AGPAT5: variants seen among roughly 807,000 people sequenced by gnomAD.
AGPAT5 encodes 1-acylglycerol-3-phosphate O-acyltransferase 5.
In AGPAT5, 46 loss-of-function variants were observed where a neutral mutation model predicts 45.6. That is an observed-to-expected ratio of 1.01 (90% CI 0.80 to 1.29). The LOEUF (loss-of-function observed/expected upper bound fraction) is 1.29, where lower values mean the gene tolerates loss of function less well. AGPAT5 is among the 50% of genes most tolerant of loss of function. The probability of loss-of-function intolerance (pLI) is 0.00; values close to 1 mark genes in which losing one functional copy is unlikely to be tolerated. For missense variants in AGPAT5, 673 were observed against 450.7 expected, an observed-to-expected ratio of 1.49 and a Z score of -4.47; for synonymous variants, 272 against 167.0, an observed-to-expected ratio of 1.63 and a Z score of -4.85.
At chr8:6,719,703 A>C (rs2116866788) in intron 1 of AGPAT5, among the ~76,000 whole-genome samples, 1 of 152,328 alleles carries the variant, frequency 6.6e-6, no homozygotes, top group Non-Finnish European at 1.5e-5. Flanking sequence ...AACTGTTGGA[A>C]CCAAATTCAT....
chr8:6,735,948 G>A (rs557209198), intron 4 of AGPAT5, among the ~76,000 whole-genome samples: 3 of 145,868 alleles, frequency 2.1e-5, no homozygotes, highest in Non-Finnish European at 3.0e-5. Context: ...TCTGCCTCAC[G>A]GGTTCAAGCA....
intron 2 of AGPAT5, among the ~76,000 whole-genome samples, chr8:6,725,479 G>C (rs1345782961): frequency 6.6e-6 from 1 of 152,180 alleles, no homozygotes; most frequent in African/African-American, 2.4e-5. Context: ...ATATACTTTA[G>C]GTGAAGATAC....
rs150588021 is a variant in AGPAT5, at chr8:6,751,051, T to A, written c.745+3223T>A. ...CTGCTTTCATTGTTTTTTTTTGTTT[T>A]CTGTCACTGGCTCAGCCCTGCTTTC... On this transcript the variant is annotated intron_variant, in intron 6 of 7. Transcript: ENST00000285518. Among the ~76,000 whole-genome samples the A allele has an allele frequency of 6.9e-3, 1,045 of 152,346 alleles. 11 individuals are homozygous for A. Among genetic ancestry groups the A allele is most frequent in the African/African-American group, 0.023 (973 of 41,582 alleles).
intron 1 of AGPAT5, among the ~76,000 whole-genome samples, chr8:6,709,863 C>T (rs748925543): frequency 4.6e-5 from 7 of 152,134 alleles, no homozygotes; most frequent in Non-Finnish European, 1.0e-4. Flanking sequence ...AGGCCAGGGC[C>T]TCCATTTAAA....
chr8:6,729,829 A>G (rs1219360572), intron 2 of AGPAT5, among the ~76,000 whole-genome samples: 1 of 152,204 alleles, frequency 6.6e-6, no homozygotes, highest in Non-Finnish European at 1.5e-5. Context: ...CTTTGTTAAT[A>G]ACATATTTAT....
At chr8:6,710,440 C>T (rs1420618293) in intron 1 of AGPAT5, among the ~76,000 whole-genome samples, 1 of 152,142 alleles carries the variant, frequency 6.6e-6, no homozygotes, top group South Asian at 2.1e-4. Flanking sequence ...CCTGAGGACC[C>T]TTAAGTATAA....
intron 3 of AGPAT5, among the ~76,000 whole-genome samples, chr8:6,731,926 G>C (rs901194935): frequency 6.6e-6 from 1 of 152,118 alleles, no homozygotes; most frequent in Non-Finnish European, 1.5e-5. Context: ...AGCACCGCTG[G>C]CACTGCTTCC....
chr8:6,745,704 A>G (rs1030701786), intron 5 of AGPAT5: 4 of 141,560 alleles, frequency 2.8e-5, no homozygotes, highest in Admixed American at 6.9e-5. Flanking sequence ...ATTCCCTGTT[A>G]TTATTTTTAC....
At chr8:6,754,946 C>G in intron 6 of AGPAT5, 105 bp from the exon 7 acceptor site, 2 of 934,750 alleles carry the variant, frequency 2.1e-6, no homozygotes, top group South Asian at 5.0e-5. Context: ...ACTTTTTCTT[C>G]ATTTTACAAC....
Position 6,761,270 on chromosome 8 carries a change from T to G in AGPAT5, c.*3882T>G, listed in dbSNP as rs1191857524. ...AGATCAGTTTTTCCATCCGGATTAT[T>G]ATTGGTTCATGATTTTATATGTGAA... On this transcript the variant is annotated 3_prime_UTR_variant, in exon 8 of 8. Transcript: ENST00000285518. Among the ~76,000 whole-genome samples, 2 of 152,216 alleles carry G rather than the reference T, an allele frequency of 1.3e-5. No homozygotes were observed. Among genetic ancestry groups the G allele is most frequent in the Non-Finnish European group, 2.9e-5 (2 of 68,034 alleles).
At position 6,757,979 on chromosome 8, in the gene AGPAT5, T is replaced by C. The variant is rs1801901677; in HGVS notation, c.*591T>C. 1 of 152,276 alleles carries C rather than the reference T, an allele frequency of 6.6e-6. No homozygotes were observed. Among genetic ancestry groups the C allele is most frequent in the African/African-American group, 2.4e-5 (1 of 41,466 alleles). The allele number at this position is 152,276 out of a possible 1,614,324, so 9.4% of individuals were successfully genotyped here. A position where few individuals can be genotyped will look rare whatever the true frequency, so the allele number is the denominator to read the frequency against. ...CGTTATTAGCTGATTTTACTCATTT[T>C]ATATTTGCAAAATAAATTTCTAATA... On this transcript the variant is annotated 3_prime_UTR_variant, in exon 8 of 8. Coordinates refer to ENST00000285518, the MANE Select transcript of AGPAT5 (RefSeq NM_018361.5).
chr8:6,739,546 T>C (rs947121863), intron 4 of AGPAT5, among the ~76,000 whole-genome samples: 2 of 152,134 alleles, frequency 1.3e-5, no homozygotes, highest in African/African-American at 4.8e-5. Flanking sequence ...CTATTGTAGA[T>C]GACATTTAAA....
chr8:6,739,249 T>C (rs1399584157), intron 4 of AGPAT5, among the ~76,000 whole-genome samples: 1 of 152,190 alleles, frequency 6.6e-6, no homozygotes, highest in Non-Finnish European at 1.5e-5. Flanking sequence ...GTTCTTTCTT[T>C]TCAAAGTTGT....
At chr8:6,745,877 C>G (rs1263931189) in intron 5 of AGPAT5, 1 of 152,136 alleles carries the variant, frequency 6.6e-6, no homozygotes, top group African/African-American at 2.4e-5. Context: ...ACCATATTTC[C>G]AACTACTTCT....
intron 1 of AGPAT5, among the ~76,000 whole-genome samples, chr8:6,723,655 C>T (rs1248214269): frequency 2.0e-5 from 3 of 152,212 alleles, no homozygotes; most frequent in Non-Finnish European, 4.4e-5. Flanking sequence ...TGGTATTACT[C>T]ATTTATGTCA....
intron 4 of AGPAT5, 56 bp from the exon 5 acceptor site, chr8:6,741,605 C>A: frequency 7.9e-7 from 1 of 1,267,448 alleles, no homozygotes; most frequent in Non-Finnish European, 1.1e-6. Flanking sequence ...TTTAGGTTAA[C>A]AATAACAAAA....
chr8:6,713,295 T>A (rs1800215899), intron 1 of AGPAT5, among the ~76,000 whole-genome samples: 1 of 152,154 alleles, frequency 6.6e-6, no homozygotes, highest in African/African-American at 2.4e-5. Flanking sequence ...AATTACCGAT[T>A]TATCTTGCTT....
At chr8:6,711,300 A>G (rs1055177941) in intron 1 of AGPAT5, among the ~76,000 whole-genome samples, 2 of 152,182 alleles carry the variant, frequency 1.3e-5, no homozygotes, top group African/African-American at 4.8e-5. Context: ...ATTCTGGGTA[A>G]ATACCTTTTT....
chr8:6,714,464 T>A (rs1385293434), intron 1 of AGPAT5, among the ~76,000 whole-genome samples: 2 of 152,272 alleles, frequency 1.3e-5, no homozygotes, highest in African/African-American at 4.8e-5. Context: ...ACTCTATTTT[T>A]ACACTTTATA....
Sources: allele counts gnomAD v4.1 joint callset (sites outside exome capture counted in the v4.1 genomes callset), GRCh38; gene constraint gnomAD v4.1.1; transcripts MANE v1.5; gene names NCBI Gene and HGNC (gene_info 2026-07-23, HGNC 2026-07-21).